The following CCDC186 variants were observed in gnomAD, a reference collection of about 807,000 sequenced individuals.
CCDC186 encodes coiled-coil domain containing 186, also known as coiled-coil domain-containing protein 186.
Under a neutral mutation model 113.7 loss-of-function variants are expected in CCDC186, and 49 were observed. That is an observed-to-expected ratio of 0.43 (90% CI 0.34 to 0.55). CCDC186 has a LOEUF of 0.55. Ranked by LOEUF, CCDC186 falls within the 20% of genes least tolerant of loss-of-function variation. The pLI is 0.02. For synonymous variants in CCDC186, 355 were observed against 345.8 expected (o/e 1.03, Z -0.30); for missense variants, 890 against 1,011.1 (o/e 0.88, Z 1.62).
chr10:114,126,331 TTTCC>T (rs2119674390), intron 14 of CCDC186, among the ~76,000 whole-genome samples: 1 of 152,246 alleles, frequency 6.6e-6, no homozygotes, highest in East Asian at 1.9e-4. Flanking sequence ...TTTCTATTTC[TTTCC>T]TTATTAATCA....
At chr10:114,173,059 A>C (rs1459595731) in intron 1 of CCDC186, 1 of 360,232 alleles carries the variant, frequency 2.8e-6, no homozygotes, top group Non-Finnish European at 5.6e-6. Context: ...TTAGAAGACA[A>C]CACCCGGCCT....
At chr10:114,149,200 C>G (rs1271180103) in intron 4 of CCDC186, among the ~76,000 whole-genome samples, 1 of 152,144 alleles carries the variant, frequency 6.6e-6, no homozygotes, top group Non-Finnish European at 1.5e-5. Flanking sequence ...TTGAACATGG[C>G]TTTGCACACA....
intron 1 of CCDC186, chr10:114,168,330 A>G (rs2032393469): frequency 6.6e-6 from 1 of 152,218 alleles, no homozygotes; most frequent in Non-Finnish European, 1.5e-5. Context: ...TTTTTTAATG[A>G]AAGAACTCAC....
In CCDC186 at chr10:114,156,517, G is replaced by A. The variant is rs537259500; in HGVS notation, c.759+1037C>T. On this transcript the variant is annotated intron_variant, in intron 3 of 15. Transcript: ENST00000369287. ...AAGGCAAGTGGATCACCTGAGGTCA[G>A]GAGTTCAAGACCAGCCTAGCCAACA... Among the ~76,000 whole-genome samples, 201 of 152,336 alleles carry A rather than the reference G, an allele frequency of 1.3e-3. 1 individual carries two copies. The highest frequency in any genetic ancestry group is 2.5e-3 in the South Asian group (12 of 4,834).
Position 114,162,936 on chromosome 10 carries a change from T to C in CCDC186, c.333A>G (p.Thr111=). ...CCAATATTTGTGTTACTTTCTGTTC[T>C]GTTTCATTTGTTTTTGAAATATGTT... is the stretch of plus-strand genomic sequence containing the variant. ...FAKHISKTNE[T]EQKVTQILVE... Residue 111 remains threonine, a synonymous_variant, in exon 2 of 16, where the codon ACA becomes ACG. Coordinates refer to ENST00000369287, the MANE Select transcript of CCDC186 (RefSeq NM_018017.4). 6.2e-7 allele frequency: 1 copy of C among 1,613,242 alleles called. No individual in the cohort carries two copies. The highest frequency in any genetic ancestry group is 8.5e-7 in the Non-Finnish European group (1 of 1,179,766).
At chr10:114,125,794 G>T in intron 15 of CCDC186, 92 bp downstream of exon 15, 1 of 1,070,426 alleles carries the variant, frequency 9.3e-7, no homozygotes, top group Non-Finnish European at 1.4e-6. Context: ...TTGCATTACA[G>T]AAACAGCCCA....
At chr10:114,147,704 A>G (rs1455343545) in intron 4 of CCDC186, among the ~76,000 whole-genome samples, 1 of 152,256 alleles carries the variant, frequency 6.6e-6, no homozygotes, top group African/African-American at 2.4e-5. Flanking sequence ...GAATTTATAA[A>G]TCAGAAGCTC....
intron 3 of CCDC186, among the ~76,000 whole-genome samples, chr10:114,152,929 T>C (rs2031898520): frequency 6.6e-6 from 1 of 152,196 alleles, no homozygotes; most frequent in Non-Finnish European, 1.5e-5. Context: ...CAGAAAGATC[T>C]AACAGATAAA....
chr10:114,171,800 T>C (rs2032501992), intron 1 of CCDC186, among the ~76,000 whole-genome samples: 1 of 152,212 alleles, frequency 6.6e-6, no homozygotes, highest in African/African-American at 2.4e-5. Context: ...AGTGTCTTAA[T>C]GATAGACAAA....
chr10:114,167,799 T>TAAAAAAAAA (rs60257583), intron 1 of CCDC186, among the ~76,000 whole-genome samples: 1 of 71,296 alleles, frequency 1.4e-5, no homozygotes, highest in African/African-American at 5.9e-5. Flanking sequence ...CTAATCTCCG[T>TAAAAAAAAA]AAAAAAAAAA....
chr10:114,148,849 G>T (rs1295991286), intron 4 of CCDC186, among the ~76,000 whole-genome samples: 1 of 152,176 alleles, frequency 6.6e-6, no homozygotes, highest in East Asian at 1.9e-4. Context: ...TATCTATCTG[G>T]TCTATGAAAT....
intron 1 of CCDC186, among the ~76,000 whole-genome samples, chr10:114,172,068 G>T (rs2032508773): frequency 6.6e-6 from 1 of 152,072 alleles, no homozygotes; most frequent in African/African-American, 2.4e-5. Context: ...ATATGTTTAT[G>T]AGAAATTGAA....
At position 114,124,462 on chromosome 10, in the gene CCDC186, A is replaced by G. The variant is rs1190928038; in HGVS notation, c.*681T>C. Reference sequence around the variant, plus strand: ...AATATGTAATTTAAAATCATATTTTAAGTAACTAAAAACTTTAAAAATTCA... The same window carrying G: ...AATATGTAATTTAAAATCATATTTTGAGTAACTAAAAACTTTAAAAATTCA... On this transcript the variant is annotated 3_prime_UTR_variant, in exon 16 of 16. Transcript: ENST00000369287. The G allele has an allele frequency of 6.6e-6, 1 of 152,206 alleles. No homozygotes were observed. The highest frequency in any genetic ancestry group is 2.4e-5 in the African/African-American group (1 of 41,460). 9.4% of individuals were successfully genotyped at this position (152,206 alleles called of 1,614,324 possible).
At position 114,120,987 on chromosome 10, in the gene CCDC186, T is replaced by TACACAC; in HGVS notation, c.*4150_*4155dup. ...AATCAAATTAAAGGTATCTGTACAA[T>TACACAC]ACACACACACACACATATATATATG... On this transcript the variant is annotated 3_prime_UTR_variant, in exon 16 of 16. Coordinates refer to ENST00000369287, the MANE Select transcript of CCDC186 (RefSeq NM_018017.4). 6.6e-6 allele frequency: 1 copy of TACACAC among 151,474 alleles called. No homozygotes were observed. The highest frequency in any genetic ancestry group is 1.5e-5 in the Non-Finnish European group (1 of 67,772). The allele number at this position is 151,474 out of a possible 1,614,324, so 9.4% of individuals were successfully genotyped here.
intron 7 of CCDC186, 74 bp downstream of exon 7, chr10:114,137,112 A>T: frequency 4.3e-6 from 5 of 1,153,302 alleles, no homozygotes; most frequent in Non-Finnish European, 6.3e-6. Context: ...GCGAGACTCC[A>T]TCTAAAAAAA....
chr10:114,166,771 T>C (rs12763258), intron 1 of CCDC186, among the ~76,000 whole-genome samples: 13,058 of 152,208 alleles, frequency 0.086, 675 homozygotes, highest in Middle Eastern at 0.15. Flanking sequence ...AAGATGACAA[T>C]GTGGAAGACA....
chr10:114,151,329 T>A, intron 3 of CCDC186, 109 bp from the exon 4 acceptor site: 1 of 833,840 alleles, frequency 1.2e-6, no homozygotes, highest in Non-Finnish European at 1.8e-6. Context: ...ACAATGAATA[T>A]ACTTCAGCTA....
intron 4 of CCDC186, among the ~76,000 whole-genome samples, chr10:114,147,603 AG>A: frequency 1.3e-5 from 2 of 152,318 alleles, no homozygotes; most frequent in East Asian, 1.9e-4. Context: ...AAAAACAAAA[AG>A]AGGTATAGAT....
chr10:114,163,136 A>G lies in CCDC186; in HGVS notation c.133T>C (p.Leu45=). The stretch of plus-strand genomic sequence containing the variant: ...AAAGTTTTATCAGTGTTTAATGACA[A>G]TAGTTTGGACTCATTTTCTAATTTG... ...SSKLENESKL[L]SLNTDKTLCQ... The change falls in exon 2 of 16, where the codon TTG becomes CTG. Residue 45 remains leucine, a synonymous_variant. Coordinates refer to ENST00000369287, the MANE Select transcript of CCDC186 (RefSeq NM_018017.4). 6.2e-7 allele frequency: 1 copy of G among 1,614,034 alleles called. No homozygotes were observed. The highest frequency in any genetic ancestry group is 1.7e-5 in the Admixed American group (1 of 60,018).
Sources: allele counts gnomAD v4.1 joint callset (sites outside exome capture counted in the v4.1 genomes callset), GRCh38; gene constraint gnomAD v4.1.1; transcripts MANE v1.5; gene names NCBI Gene and HGNC (gene_info 2026-07-23, HGNC 2026-07-21).